The following MAP3K14 variants were observed in gnomAD, a reference collection of about 807,000 sequenced individuals.
MAP3K14 encodes the protein mitogen-activated protein kinase kinase kinase 14.
In MAP3K14, 16 loss-of-function variants were observed where a neutral mutation model predicts 99.2. The observed-to-expected ratio is 0.16, with a 90% CI of 0.11 to 0.24. MAP3K14 has a LOEUF of 0.24. Ranked by LOEUF, MAP3K14 falls within the 10% of genes least tolerant of loss-of-function variation. The pLI is 1.00. For synonymous variants in MAP3K14, 462 were observed against 492.4 expected (o/e 0.94, Z 0.82); for missense variants, 784 against 1,208.7 (o/e 0.65, Z 5.21).
intron 10 of MAP3K14, 130 bp from the exon 11 acceptor site, chr17:45,270,693 G>A: frequency 3.9e-6 from 5 of 1,292,262 alleles, no homozygotes; most frequent in Non-Finnish European, 4.1e-6. Flanking sequence ...AGGAATGGAG[G>A]GGTCTGGGCT....
In MAP3K14 at chr17:45,296,410, A is replaced by G. The variant is rs185779304; in HGVS notation, c.-20-5645T>C. Among the ~76,000 whole-genome samples the G allele has an allele frequency of 2.6e-5, 4 of 152,204 alleles. No individual in the cohort carries two copies. In the East Asian group the frequency reaches 7.7e-4, roughly 29 times the overall value. On this transcript the variant is annotated intron_variant, in intron 1 of 15. Coordinates refer to ENST00000344686, the MANE Select transcript of MAP3K14 (RefSeq NM_003954.5). ...CATGGTGGCACACGCCTGTAGTCCTAGCTACTTGGGAGCCTGAAGCAGGAG... is the reference window on the plus strand; with the variant it reads ...CATGGTGGCACACGCCTGTAGTCCTGGCTACTTGGGAGCCTGAAGCAGGAG...
intron 6 of MAP3K14, among the ~76,000 whole-genome samples, chr17:45,275,965 G>T (rs1014596899): frequency 6.6e-6 from 1 of 152,038 alleles, no homozygotes; most frequent in Non-Finnish European, 1.5e-5. Flanking sequence ...GTTTCACCAT[G>T]CTGGCCAGGC....
chr17:45,278,679 CTTT>C (rs34562745), intron 6 of MAP3K14, among the ~76,000 whole-genome samples: 6 of 139,084 alleles, frequency 4.3e-5, no homozygotes, highest in Admixed American at 7.3e-5. Flanking sequence ...CCATGCTGAA[CTTT>C]TTTTTTTTTT....
chr17:45,284,921 C>A lies in MAP3K14; in HGVS notation c.1181G>T (p.Arg394Leu). 5.8e-6 allele frequency: 9 copies of A among 1,553,818 alleles called. No homozygotes were observed. The highest frequency in any genetic ancestry group is 7.8e-6 in the Non-Finnish European group (9 of 1,148,216). ...EKLKPVDYEYREEVHWATHQL... is the reference protein window; with the variant it reads ...EKLKPVDYEYLEEVHWATHQL... ...GTGCGTGGCCCAGTGGACTTCTTCT[C>A]GGTACTCATAATCCACTGGCTTGAG... Residue 394 changes from arginine (R) to leucine (L), a missense_variant, in exon 6 of 16, where the codon CGA becomes CTA. This residue lies in a region of MAP3K14 where 200 missense variants were observed against 367.9 expected (regional missense o/e 0.54). Coordinates refer to ENST00000344686, the MANE Select transcript of MAP3K14 (RefSeq NM_003954.5).
chr17:45,307,573 A>G (rs2044439870), intron 1 of MAP3K14, among the ~76,000 whole-genome samples: 1 of 152,148 alleles, frequency 6.6e-6, no homozygotes, highest in Admixed American at 6.6e-5. Context: ...TTTGGGGTGG[A>G]TTCTGAGCAA....
chr17:45,287,235 C>T lies in MAP3K14; in HGVS notation c.456G>A (p.Lys152=), dbSNP rs2044274571. The change falls in exon 4 of 16, where the codon AAG becomes AAA. Residue 152 remains lysine, a synonymous_variant. Coordinates refer to ENST00000344686, the MANE Select transcript of MAP3K14 (RefSeq NM_003954.5). ...ARKKRKKKSS[K]SLAHAGVALA... ...AGGCCACTCCTGCATGAGCCAGGGA[C>T]TTTGAGCTCTTCTTCTTCCGTTTCT... The T allele has an allele frequency of 6.2e-7, 1 of 1,614,016 alleles. No individual in the cohort carries two copies.
intron 10 of MAP3K14, 193 bp downstream of exon 10, chr17:45,270,865 G>T: frequency 1.2e-6 from 1 of 846,160 alleles, no homozygotes; most frequent in Non-Finnish European, 1.9e-6. Flanking sequence ...CCATGAACTT[G>T]GTGAGCCTCC....
Position 45,266,566 on chromosome 17 carries a change from C to T in MAP3K14, c.2549G>A (p.Arg850Gln), listed in dbSNP as rs779472760. 2.1e-5 allele frequency: 34 copies of T among 1,612,630 alleles called. No individual in the cohort carries two copies. The highest frequency in any genetic ancestry group is 4.4e-5 in the South Asian group (4 of 91,020). Residue 850 changes from arginine (R) to glutamine (Q), a missense_variant, in exon 14 of 16, where the codon CGG (arginine) becomes CAG (glutamine). Arg to Gln is a conservative substitution (Grantham distance 43). This residue lies in a region of MAP3K14 where 130 missense variants were observed against 220.4 expected (regional missense o/e 0.59). Transcript: ENST00000344686. Reference sequence around the variant, plus strand: ...GAAATAGCTTGGGGTGTCGGTGGGCCGCCCCCGGGCCAGCACCATGTTCCA... The same window carrying T: ...GAAATAGCTTGGGGTGTCGGTGGGCTGCCCCCGGGCCAGCACCATGTTCCA... Reference protein sequence around the residue: ...SSWNMVLARGRPTDTPSYFNG... With the variant: ...SSWNMVLARGQPTDTPSYFNG...
rs754546014 is a variant in MAP3K14 at position 45,267,804 on chromosome 17, C to T, written c.1973-45G>A. ...ATGGTGAGGGGAAGCGTGCTGTGCA[C>T]AGACAGCGGTCCAGGCAGGAGCGGC... is the stretch of plus-strand genomic sequence containing the variant. On this transcript the variant is annotated intron_variant, in intron 11 of 15. Transcript: ENST00000344686. The surrounding 1 kb of genome is among the most constrained non-coding windows in gnomAD (Gnocchi z 5.1). 4 of 1,536,132 alleles carry T rather than the reference C, an allele frequency of 2.6e-6. No homozygotes were observed. Among genetic ancestry groups the T allele is most frequent in the East Asian group, 2.2e-5 (1 of 44,584 alleles).
intron 1 of MAP3K14, among the ~76,000 whole-genome samples, chr17:45,297,716 CTTTTTTTTTTT>C (rs34809589): frequency 9.0e-6 from 1 of 110,960 alleles, no homozygotes; most frequent in Non-Finnish European, 1.8e-5. Flanking sequence ...TGGTTTAAAT[CTTTTTTTTTTT>C]TTTTTTTTTT....
At chr17:45,268,793 G>T (rs1473372161) in intron 11 of MAP3K14, among the ~76,000 whole-genome samples, 1 of 152,074 alleles carries the variant, frequency 6.6e-6, no homozygotes, top group African/African-American at 2.4e-5. Flanking sequence ...GCGTCCTCAG[G>T]CGTGTCCCCA....
In MAP3K14 at chr17:45,286,348, C is replaced by G. The variant is rs531143101; in HGVS notation, c.1152+83G>C. 3.0e-5 allele frequency: 43 copies of G among 1,437,808 alleles called. No homozygotes were observed. The East Asian group carries it at 1.0e-3, about 34-fold the overall frequency. The allele number at this position is 1,437,808 out of a possible 1,614,324, so 89.1% of individuals were successfully genotyped here. On this transcript the variant is annotated intron_variant, in intron 5 of 15. Coordinates refer to ENST00000344686, the MANE Select transcript of MAP3K14 (RefSeq NM_003954.5). The surrounding 1 kb of genome is among the most constrained non-coding windows in gnomAD (Gnocchi z 4.1). ...CTACTGTTTGATTTGTCACCACAGGCAAGAGTGACTCTGATAAAGAGAGAA... is the reference window on the plus strand; with the variant it reads ...CTACTGTTTGATTTGTCACCACAGGGAAGAGTGACTCTGATAAAGAGAGAA...
In MAP3K14 at chr17:45,264,419, C is replaced by T. The variant is rs564518950; in HGVS notation, c.*217G>A. On this transcript the variant is annotated 3_prime_UTR_variant, in exon 16 of 16. Transcript: ENST00000344686. ...CATCCTCCTCTGTCTCTTCACGTGG[C>T]GGAGTGTTTTCTCAGCAGGGTGGGG... 104 of 552,936 alleles carry T rather than the reference C, an allele frequency of 1.9e-4. No individual in the cohort carries two copies. Among genetic ancestry groups the T allele is most frequent in the African/African-American group, 1.4e-3 (71 of 52,302 alleles). 34.3% of individuals were successfully genotyped at this position (552,936 alleles called of 1,614,324 possible).
rs566957748 is a variant in MAP3K14 at position 45,312,629 on chromosome 17, C to A, written c.-21+4331G>T. Among the ~76,000 whole-genome samples the A allele has an allele frequency of 2.6e-5, 4 of 152,200 alleles. No individual in the cohort carries two copies. The East Asian group carries it at 7.7e-4, about 29-fold the overall frequency. On this transcript the variant is annotated intron_variant, in intron 1 of 15. Transcript: ENST00000344686. ...CGCTATGTTGCCCATAGCTACTTGACCTCCTGGGCTCAAGTGATCCTCCCG... is the reference window on the plus strand; with the variant it reads ...CGCTATGTTGCCCATAGCTACTTGAACTCCTGGGCTCAAGTGATCCTCCCG...
chr17:45,303,666 C>A (rs2044407878), intron 1 of MAP3K14, among the ~76,000 whole-genome samples: 1 of 151,630 alleles, frequency 6.6e-6, no homozygotes, highest in African/African-American at 2.4e-5. Flanking sequence ...CTCTCTGCAA[C>A]ATAAAAAACA....
intron 1 of MAP3K14, among the ~76,000 whole-genome samples, chr17:45,315,650 C>T (rs1396526946): frequency 6.6e-6 from 1 of 152,186 alleles, no homozygotes; most frequent in East Asian, 1.9e-4. Flanking sequence ...CCAAAAACTT[C>T]TCCCTCCTTT....
At chr17:45,288,396 T>TA (rs2044284971) in intron 3 of MAP3K14, among the ~76,000 whole-genome samples, 1 of 151,012 alleles carries the variant, frequency 6.6e-6, no homozygotes, top group Admixed American at 6.6e-5. Context: ...TTTTTTTTTT[T>TA]GAGACAGAAT....
chr17:45,271,922 CTT>C (rs566716260), intron 9 of MAP3K14, among the ~76,000 whole-genome samples: 60 of 152,214 alleles, frequency 3.9e-4, no homozygotes, highest in African/African-American at 1.2e-3. Context: ...TAATAGAAAA[CTT>C]ATATGCGTAA....
intron 1 of MAP3K14, among the ~76,000 whole-genome samples, chr17:45,316,214 C>T (rs1479378897): frequency 6.6e-6 from 1 of 152,236 alleles, no homozygotes; most frequent in Non-Finnish European, 1.5e-5. Flanking sequence ...AACACTTTTT[C>T]TGAAGCTACC....
Sources: gnomAD v4.1 joint callset for allele counts (sites outside exome capture counted in the v4.1 genomes callset) on GRCh38, gnomAD v4.1.1 for gene constraint, gnomAD v4.1.1 regional missense constraint, Gnocchi (gnomAD v3.1) non-coding constraint, MANE v1.5 for transcripts, NCBI Gene and HGNC (gene_info 2026-07-23, HGNC 2026-07-21) for gene names.